Variants in RHOJ observed in about 807,000 individuals in gnomAD.
RHOJ encodes rho-related GTP-binding protein RhoJ.
Under a neutral mutation model 23.4 loss-of-function variants are expected in RHOJ, and 11 were observed. The observed-to-expected ratio is 0.47, with a 90% CI of 0.30 to 0.78. The LOEUF (loss-of-function observed/expected upper bound fraction) is 0.78, where lower values mean the gene tolerates loss of function less well. Among genes scored for constraint, RHOJ ranks in the 30% least tolerant of loss-of-function variants. The probability of loss-of-function intolerance (pLI) is 0.08; values close to 1 mark genes in which losing one functional copy is unlikely to be tolerated. For synonymous variants in RHOJ, 102 were observed against 102.7 expected (o/e 0.99, Z 0.04); for missense variants, 254 against 273.4 (o/e 0.93, Z 0.50).
chr14:63,269,942 G>A (rs1484774097), intron 2 of RHOJ, among the ~76,000 whole-genome samples: 1 of 152,168 alleles, frequency 6.6e-6, no homozygotes. Flanking sequence ...CCAGTTCACG[G>A]ATTGGTGGAG....
intron 1 of RHOJ, among the ~76,000 whole-genome samples, chr14:63,239,407 C>T (rs1271375561): frequency 2.6e-5 from 4 of 152,138 alleles, no homozygotes; most frequent in Non-Finnish European, 4.4e-5. Context: ...CCACTGCACC[C>T]GGCCAACAAC....
At position 63,286,752 on chromosome 14, in the gene RHOJ, C is replaced by G. The variant is rs1419193789; in HGVS notation, c.498+3536C>G. Among the ~76,000 whole-genome samples, 59 of 152,226 alleles carry G rather than the reference C, an allele frequency of 3.9e-4. 1 individual carries two copies. On this transcript the variant is annotated intron_variant, in intron 4 of 4. Coordinates refer to ENST00000316754, the MANE Select transcript of RHOJ (RefSeq NM_020663.5). ...CTTCAGTCTGCCACAATCCCCACCA[C>G]TCCATATTATCCTATACTCAAGTAA... is the stretch of plus-strand genomic sequence containing the variant.
At chr14:63,252,406 C>A (rs1040186182) in intron 1 of RHOJ, among the ~76,000 whole-genome samples, 5 of 152,146 alleles carry the variant, frequency 3.3e-5, no homozygotes, top group Admixed American at 1.3e-4. Context: ...AAAACCATAT[C>A]CAAGAACTGT....
chr14:63,283,838 A>G (rs1270481018), intron 4 of RHOJ, among the ~76,000 whole-genome samples: 1 of 152,220 alleles, frequency 6.6e-6, no homozygotes, highest in East Asian at 1.9e-4. Context: ...TGAGAGCTTA[A>G]CATGAAGAGT....
At chr14:63,279,146 C>T (rs2139662889) in intron 2 of RHOJ, among the ~76,000 whole-genome samples, 1 of 152,312 alleles carries the variant, frequency 6.6e-6, no homozygotes, top group East Asian at 1.9e-4. Context: ...TTGCAATGAG[C>T]ACATACATGT....
At chr14:63,221,455 A>G (rs1314152567) in intron 1 of RHOJ, among the ~76,000 whole-genome samples, 1 of 152,192 alleles carries the variant, frequency 6.6e-6, no homozygotes, top group South Asian at 2.1e-4. Context: ...TGCTGATTCT[A>G]TTTCTAGAGA....
intron 2 of RHOJ, among the ~76,000 whole-genome samples, chr14:63,280,761 C>A (rs879127467): frequency 6.6e-6 from 1 of 152,092 alleles, no homozygotes; most frequent in Non-Finnish European, 1.5e-5. Flanking sequence ...TAAGAAGGGG[C>A]AATACATAAT....
chr14:63,223,098 T>TG (rs1894528283), intron 1 of RHOJ, among the ~76,000 whole-genome samples: 1 of 152,202 alleles, frequency 6.6e-6, no homozygotes, highest in South Asian at 2.1e-4. Context: ...ACCTTGAGTT[T>TG]GTTTTTCACA....
intron 1 of RHOJ, among the ~76,000 whole-genome samples, chr14:63,246,703 A>T (rs575959881): frequency 6.6e-6 from 1 of 152,044 alleles, no homozygotes; most frequent in Non-Finnish European, 1.5e-5. Flanking sequence ...AATTTTCACA[A>T]TTTTTTCAAG....
chr14:63,231,425 T>A (rs964529811), intron 1 of RHOJ, among the ~76,000 whole-genome samples: 1 of 152,238 alleles, frequency 6.6e-6, no homozygotes, highest in South Asian at 2.1e-4. Flanking sequence ...CTTTATAACA[T>A]GCTCTGCTTC....
chr14:63,286,115 G>A (rs1374599310), intron 4 of RHOJ, among the ~76,000 whole-genome samples: 1 of 152,164 alleles, frequency 6.6e-6, no homozygotes, highest in East Asian at 1.9e-4. Context: ...GTTCAGTCAC[G>A]TTAATCAACT....
intron 1 of RHOJ, among the ~76,000 whole-genome samples, chr14:63,217,562 C>T (rs1051979641): frequency 2.8e-4 from 42 of 152,040 alleles, no homozygotes; most frequent in Admixed American, 2.6e-3. Flanking sequence ...AAGACTTAAA[C>T]GTTAGACCTA....
intron 1 of RHOJ, among the ~76,000 whole-genome samples, chr14:63,245,772 G>A (rs760412263): frequency 1.3e-5 from 2 of 152,134 alleles, no homozygotes; most frequent in Non-Finnish European, 2.9e-5. Context: ...TGAAGGGTCT[G>A]GGACACTGCA....
intron 1 of RHOJ, among the ~76,000 whole-genome samples, chr14:63,205,268 A>G (rs1285071371): frequency 6.6e-6 from 1 of 152,148 alleles, no homozygotes; most frequent in Non-Finnish European, 1.5e-5. Flanking sequence ...ACGAATGGCA[A>G]CGCCAGGAAA....
intron 1 of RHOJ, among the ~76,000 whole-genome samples, chr14:63,247,606 G>T (rs148502984): frequency 1.3e-3 from 192 of 152,224 alleles, no homozygotes; most frequent in African/African-American, 4.5e-3. Context: ...AAAGTAAATT[G>T]TCTCCTTCTC....
intron 1 of RHOJ, among the ~76,000 whole-genome samples, chr14:63,258,247 A>G (rs201079499): frequency 1.0e-4 from 15 of 150,490 alleles, no homozygotes; most frequent in African/African-American, 3.2e-4. Flanking sequence ...AAAAAAAAAA[A>G]AGGGCTATCA....
intron 1 of RHOJ, among the ~76,000 whole-genome samples, chr14:63,220,068 G>A (rs981489638): frequency 3.3e-5 from 5 of 152,178 alleles, no homozygotes; most frequent in Admixed American, 6.5e-5. Context: ...ATTATGCTGC[G>A]ATGCAAGGGG....
chr14:63,278,678 TATAC>T (rs1192959892), intron 2 of RHOJ, among the ~76,000 whole-genome samples: 1 of 152,164 alleles, frequency 6.6e-6, no homozygotes, highest in South Asian at 2.1e-4. Context: ...GTGTATGTGG[TATAC>T]ATACATAAAT....
chr14:63,222,096 T>C (rs1894507604), intron 1 of RHOJ, among the ~76,000 whole-genome samples: 1 of 151,520 alleles, frequency 6.6e-6, no homozygotes, highest in Non-Finnish European at 1.5e-5. Context: ...GTCCTTGCGA[T>C]AGTTTGCTGA....
Sources: gnomAD v4.1 joint callset for allele counts (sites outside exome capture counted in the v4.1 genomes callset) on GRCh38, gnomAD v4.1.1 for gene constraint, MANE v1.5 for transcripts, NCBI Gene and HGNC (gene_info 2026-07-23, HGNC 2026-07-21) for gene names.